ARMH4: variants seen among roughly 807,000 people sequenced by gnomAD.
ARMH4 encodes the protein armadillo like helical domain containing 4, also known as armadillo-like helical domain-containing protein 4.
ARMH4 carries 49 observed loss-of-function variants against 61.9 expected under a neutral mutation model. The ratio of observed to expected loss-of-function variants is 0.79; its 90% CI spans 0.63 to 1.00. The LOEUF (loss-of-function observed/expected upper bound fraction) is 1.00, where lower values mean the gene tolerates loss of function less well. Ranked by LOEUF, ARMH4 falls within the 50% of genes least tolerant of loss-of-function variation. ARMH4 has a pLI of 0.00. For synonymous variants in ARMH4, 368 were observed against 341.5 expected, an observed-to-expected ratio of 1.08 and a Z score of -0.85; for missense variants, 934 against 930.0, an observed-to-expected ratio of 1.00 and a Z score of -0.06.
Position 58,096,963 on chromosome 14 carries a change from T to G in ARMH4, c.1850A>C (p.Asp617Ala). 4 of 1,613,752 alleles carry G rather than the reference T, an allele frequency of 2.5e-6. No individual in the cohort carries two copies. The highest frequency in any genetic ancestry group is 3.4e-6 in the Non-Finnish European group (4 of 1,179,716). ...LESEEGQEDEDEEDEEDEDEE... is the reference protein window; with the variant it reads ...LESEEGQEDEAEEDEEDEDEE... ...ATCTTCATCTTCTTCATCCTCTTCA[T>G]CCTCATCTTCTTGTCCCTCTAGGCA... The change falls in exon 5 of 8, where the codon GAT (aspartate) becomes GCT (alanine). Residue 617 changes from aspartate (D) to alanine (A), a missense_variant. Coordinates refer to ENST00000267485, the MANE Select transcript of ARMH4 (RefSeq NM_001001872.4).
At chr14:58,050,568 G>C (rs178473) in intron 5 of ARMH4, among the ~76,000 whole-genome samples, 38,471 of 152,000 alleles carry the variant, frequency 0.25, 6,349 homozygotes, top group East Asian at 0.63. Flanking sequence ...TAGGCCTGAA[G>C]GTAAGGAAGA....
intron 5 of ARMH4, among the ~76,000 whole-genome samples, chr14:58,082,272 G>A (rs973944260): frequency 3.9e-5 from 6 of 152,140 alleles, no homozygotes; most frequent in African/African-American, 9.7e-5. Flanking sequence ...ATAAAAGCTC[G>A]AGGAAGTAGT....
Position 58,138,446 on chromosome 14 carries a change from G to A in ARMH4, c.913C>T (p.Pro305Ser), listed in dbSNP as rs1160581171. ...EVTVSVSTAV[P>S]AASALSDEWD... is the part of the protein sequence containing the mutation. ...TCATCACTTAAGGCAGAGGCAGCTG[G>A]AACAGCTGTGCTGACACTCACTGTG... The change falls in exon 2 of 8, where the codon CCA becomes TCA. Residue 305 changes from proline to serine, a missense_variant. By Grantham distance (74) the Pro-to-Ser change is moderately conservative (BLOSUM62 -1). Transcript: ENST00000267485. 1.2e-6 allele frequency: 2 copies of A among 1,614,228 alleles called. No individual in the cohort carries two copies. The highest frequency in any genetic ancestry group is 1.7e-6 in the Non-Finnish European group (2 of 1,180,042).
chr14:58,084,619 A>G (rs546533016), intron 5 of ARMH4, among the ~76,000 whole-genome samples: 1 of 152,332 alleles, frequency 6.6e-6, no homozygotes, highest in East Asian at 1.9e-4. Flanking sequence ...TTTCAAGAGA[A>G]GCAGCTCAAA....
intron 5 of ARMH4, among the ~76,000 whole-genome samples, chr14:58,038,832 G>A (rs929960188): frequency 2.6e-5 from 4 of 152,154 alleles, no homozygotes; most frequent in African/African-American, 9.7e-5. Flanking sequence ...CTCATAATTA[G>A]ACAAACCACT....
chr14:58,038,336 G>T (rs1384663063), intron 5 of ARMH4, among the ~76,000 whole-genome samples: 2 of 105,370 alleles, frequency 1.9e-5, no homozygotes, highest in African/African-American at 6.9e-5. Flanking sequence ...CTCACTCATA[G>T]GTGGGAATTG....
At chr14:58,066,570 T>C (rs959350736) in intron 5 of ARMH4, among the ~76,000 whole-genome samples, 8 of 152,176 alleles carry the variant, frequency 5.3e-5, no homozygotes, top group Admixed American at 1.3e-4. Flanking sequence ...TTTTATGTTA[T>C]GTAAATTTTA....
intron 7 of ARMH4, 82 bp downstream of exon 7, chr14:58,004,966 A>G: frequency 6.3e-7 from 1 of 1,591,174 alleles, no homozygotes; most frequent in East Asian, 2.2e-5. Context: ...GCATCATTAA[A>G]CCCCGTGTGC....
At position 58,142,058 on chromosome 14, in the gene ARMH4, C is replaced by T. The variant is rs552605611; in HGVS notation, c.-56-2644G>A. 3.9e-5 allele frequency among the ~76,000 whole-genome samples: 6 copies of T among 152,174 alleles called. No homozygotes were observed. In the South Asian group the frequency reaches 1.0e-3, roughly 26 times the overall value. On this transcript the variant is annotated intron_variant, in intron 1 of 7. Coordinates refer to ENST00000267485, the MANE Select transcript of ARMH4 (RefSeq NM_001001872.4). Reference sequence around the variant, plus strand: ...AATTTACCCCCAAATTTAAGGGTTTCAGTTCTTTTTTTAATCTATTTTGCT... The same window carrying T: ...AATTTACCCCCAAATTTAAGGGTTTTAGTTCTTTTTTTAATCTATTTTGCT...
intron 5 of ARMH4, among the ~76,000 whole-genome samples, chr14:58,029,908 G>A (rs1883165999): frequency 6.6e-6 from 1 of 152,110 alleles, no homozygotes; most frequent in Non-Finnish European, 1.5e-5. Flanking sequence ...GTACACGAAT[G>A]TTCATAGCAA....
intron 5 of ARMH4, among the ~76,000 whole-genome samples, chr14:58,088,744 T>C (rs1020076754): frequency 6.6e-6 from 1 of 152,200 alleles, no homozygotes; most frequent in Non-Finnish European, 1.5e-5. Context: ...AATTAAATCA[T>C]GAATATTGAC....
chr14:58,090,982 G>A (rs1178041821), intron 5 of ARMH4, among the ~76,000 whole-genome samples: 4 of 151,620 alleles, frequency 2.6e-5, no homozygotes, highest in African/African-American at 4.8e-5. Context: ...TTGGGAGACC[G>A]AGTGCAGGCA....
chr14:58,103,787 T>C (rs1186459604), intron 4 of ARMH4, among the ~76,000 whole-genome samples: 1 of 152,122 alleles, frequency 6.6e-6, no homozygotes, highest in Non-Finnish European at 1.5e-5. Context: ...ATAAAATTAA[T>C]TTTAGTGTCC....
intron 4 of ARMH4, among the ~76,000 whole-genome samples, chr14:58,107,447 C>G (rs6573189): frequency 0.074 from 11,187 of 152,026 alleles, 555 homozygotes; most frequent in African/African-American, 0.14. Flanking sequence ...CTTCCCTTTA[C>G]TAAGTTTAAA....
At chr14:58,073,039 G>A (rs1884935900) in intron 5 of ARMH4, among the ~76,000 whole-genome samples, 1 of 152,108 alleles carries the variant, frequency 6.6e-6, no homozygotes, top group Non-Finnish European at 1.5e-5. Context: ...CAGAAGGGAC[G>A]ATATCACATA....
At chr14:58,126,087 G>A (rs1056350217) in intron 4 of ARMH4, among the ~76,000 whole-genome samples, 1 of 152,142 alleles carries the variant, frequency 6.6e-6, no homozygotes, top group African/African-American at 2.4e-5. Context: ...TACCCTCTTT[G>A]GGTCCCCTCC....
chr14:58,057,997 A>G (rs1010021072), intron 5 of ARMH4, among the ~76,000 whole-genome samples: 1 of 152,210 alleles, frequency 6.6e-6, no homozygotes. Context: ...ACTCAAATGC[A>G]TGGAGCTTCA....
intron 4 of ARMH4, among the ~76,000 whole-genome samples, chr14:58,117,413 T>C (rs1018317695): frequency 6.6e-6 from 1 of 152,238 alleles, no homozygotes; most frequent in Non-Finnish European, 1.5e-5. Context: ...TTATTGACTA[T>C]GCAAAAATAT....
chr14:58,004,894 C>A lies in ARMH4; in HGVS notation c.2257-90G>T, dbSNP rs146667908. Reference sequence around the variant, plus strand: ...CCACTTTAAAAGACATGCTAACAAACGAAGCCAAGGCAGGAGCTACAGCAG... The same window carrying A: ...CCACTTTAAAAGACATGCTAACAAAAGAAGCCAAGGCAGGAGCTACAGCAG... On this transcript the variant is annotated intron_variant, in intron 7 of 7. Transcript: ENST00000267485. The A allele has an allele frequency of 3.9e-6, 6 of 1,528,268 alleles. No individual in the cohort carries two copies. The African/African-American group carries it at 6.9e-5, about 17-fold the overall frequency. 94.7% of individuals were successfully genotyped at this position (1,528,268 alleles called of 1,614,324 possible).
Sources: allele counts gnomAD v4.1 joint callset (sites outside exome capture counted in the v4.1 genomes callset), GRCh38; gene constraint gnomAD v4.1.1; transcripts MANE v1.5; gene names NCBI Gene and HGNC (gene_info 2026-07-23, HGNC 2026-07-21).